The following CCSER1 variants were observed in gnomAD, a reference collection of about 807,000 sequenced individuals.
The protein encoded by CCSER1 is coiled-coil serine rich protein 1, also known as serine-rich coiled-coil domain-containing protein 1.
CCSER1 carries 41 observed loss-of-function variants against 82.0 expected under a neutral mutation model. The observed-to-expected ratio is 0.50, with a 90% CI of 0.39 to 0.65. The LOEUF (loss-of-function observed/expected upper bound fraction) is 0.65, where lower values mean the gene tolerates loss of function less well. Among genes scored for constraint, CCSER1 ranks in the 30% least tolerant of loss-of-function variants. The pLI is 0.00. For missense variants in CCSER1, 1,119 were observed against 1,064.2 expected (o/e 1.05, Z -0.72); for synonymous variants, 414 against 383.9 (o/e 1.08, Z -0.92).
intron 10 of CCSER1, among the ~76,000 whole-genome samples, chr4:91,484,247 T>C (rs1758104417): frequency 6.6e-6 from 1 of 152,156 alleles, no homozygotes; most frequent in Admixed American, 6.5e-5. Flanking sequence ...TTTTTGTTAC[T>C]CTAGAACCTT....
chr4:90,395,940 G>A (rs1416567572), intron 3 of CCSER1, among the ~76,000 whole-genome samples: 1 of 151,760 alleles, frequency 6.6e-6, no homozygotes. Flanking sequence ...AAGTAGCTGG[G>A]TGTGGTTGTG....
rs965940267 is a variant in CCSER1 at position 90,398,902 on chromosome 4, T to A, written c.1510-1134T>A. ...AAAGAGGTTTATTTAAAAGCCCCAG[T>A]GTCCTTACTTTTAAACCCAAGGACT... On this transcript the variant is annotated intron_variant, in intron 3 of 10. Coordinates refer to ENST00000509176, the MANE Select transcript of CCSER1 (RefSeq NM_001145065.2). Among the ~76,000 whole-genome samples, 58 of 152,138 alleles carry A rather than the reference T, an allele frequency of 3.8e-4. 1 individual carries two copies. Among genetic ancestry groups the A allele is most frequent in the Non-Finnish European group, 2.9e-5 (2 of 67,986 alleles).
intron 6 of CCSER1, among the ~76,000 whole-genome samples, chr4:90,713,907 A>G (rs1412449464): frequency 6.6e-6 from 1 of 151,898 alleles, no homozygotes; most frequent in African/African-American, 2.4e-5. Flanking sequence ...TCAAGCTCTG[A>G]AATTCTTTCC....
intron 10 of CCSER1, among the ~76,000 whole-genome samples, chr4:91,115,596 C>T (rs1267472598): frequency 6.6e-6 from 1 of 151,810 alleles, no homozygotes; most frequent in Non-Finnish European, 1.5e-5. Flanking sequence ...TTTTTTTATA[C>T]TGATAAAGAC....
At chr4:90,999,014 T>G (rs1260426267) in intron 9 of CCSER1, among the ~76,000 whole-genome samples, 1 of 152,174 alleles carries the variant, frequency 6.6e-6, no homozygotes, top group East Asian at 1.9e-4. Flanking sequence ...TATTAATTTA[T>G]TTAGAATAAT....
intron 1 of CCSER1, among the ~76,000 whole-genome samples, chr4:90,160,446 T>C (rs1034192304): frequency 6.6e-6 from 1 of 152,170 alleles, no homozygotes; most frequent in Non-Finnish European, 1.5e-5. Flanking sequence ...GTAGGAGGAC[T>C]ATCAGGAGAT....
At chr4:90,243,613 C>A (rs1012745352) in intron 1 of CCSER1, among the ~76,000 whole-genome samples, 1 of 151,834 alleles carries the variant, frequency 6.6e-6, no homozygotes, top group Non-Finnish European at 1.5e-5. Flanking sequence ...GTCTTGAACT[C>A]CTGGCCTCAA....
At chr4:91,254,463 T>C (rs1009976849) in intron 10 of CCSER1, among the ~76,000 whole-genome samples, 1 of 152,150 alleles carries the variant, frequency 6.6e-6, no homozygotes, top group South Asian at 2.1e-4. Context: ...ACAAGTACTA[T>C]CTGATTCTAC....
chr4:90,675,336 TAG>T (rs756134559), intron 6 of CCSER1, among the ~76,000 whole-genome samples: 4 of 152,066 alleles, frequency 2.6e-5, no homozygotes, highest in Non-Finnish European at 5.9e-5. Context: ...TAATCACATG[TAG>T]AGAGTGTGCT....
At chr4:90,610,319 G>C (rs1233837527) in intron 5 of CCSER1, among the ~76,000 whole-genome samples, 1 of 151,716 alleles carries the variant, frequency 6.6e-6, no homozygotes, top group Non-Finnish European at 1.5e-5. Flanking sequence ...ATTTCAGTAA[G>C]CTGTAATTAC....
intron 3 of CCSER1, among the ~76,000 whole-genome samples, chr4:90,334,549 C>T (rs1043389648): frequency 5.3e-5 from 7 of 132,560 alleles, no homozygotes; most frequent in Admixed American, 3.5e-4. Flanking sequence ...AGATACTTTG[C>T]TGCCAAAAAA....
chr4:90,508,836 A>G (rs1469429157), intron 5 of CCSER1, among the ~76,000 whole-genome samples: 1 of 152,094 alleles, frequency 6.6e-6, no homozygotes, highest in Non-Finnish European at 1.5e-5. Flanking sequence ...CATTGACAAT[A>G]GAAATAACTT....
intron 5 of CCSER1, among the ~76,000 whole-genome samples, chr4:90,599,417 A>G (rs1458904526): frequency 6.6e-6 from 1 of 151,942 alleles, no homozygotes; most frequent in Admixed American, 6.6e-5. Context: ...ACCTTCTGCT[A>G]TGATTGTAAG....
At chr4:90,972,696 A>G (rs902611727) in intron 9 of CCSER1, among the ~76,000 whole-genome samples, 58 of 151,798 alleles carry the variant, frequency 3.8e-4, no homozygotes, top group African/African-American at 1.3e-3. Flanking sequence ...TAACAGGTAC[A>G]GAATACCCAA....
intron 10 of CCSER1, among the ~76,000 whole-genome samples, chr4:91,485,355 C>T (rs111542099): frequency 0.012 from 1,890 of 152,138 alleles, 18 homozygotes; most frequent in African/African-American, 0.026. Context: ...ATTTATGCTA[C>T]GAATAAATGT....
At chr4:91,047,082 C>A (rs376891297) in intron 9 of CCSER1, among the ~76,000 whole-genome samples, 3 of 152,084 alleles carry the variant, frequency 2.0e-5, no homozygotes, top group Non-Finnish European at 1.5e-5. Flanking sequence ...TACATTCCCC[C>A]CAACCCCCTC....
intron 10 of CCSER1, among the ~76,000 whole-genome samples, chr4:91,359,906 C>A (rs12507411): frequency 0.27 from 41,485 of 151,460 alleles, 6,429 homozygotes; most frequent in Middle Eastern, 0.43. Flanking sequence ...ATGTGACAGC[C>A]ACAGTGCCAA....
chr4:91,303,227 A>C (rs574524473), intron 10 of CCSER1, among the ~76,000 whole-genome samples: 2 of 152,092 alleles, frequency 1.3e-5, no homozygotes, highest in East Asian at 3.9e-4. Context: ...ACCTGAAAGC[A>C]GTCTTATGAA....
chr4:91,207,355 T>G (rs1470804438), intron 10 of CCSER1, among the ~76,000 whole-genome samples: 2 of 151,728 alleles, frequency 1.3e-5, no homozygotes, highest in African/African-American at 4.8e-5. Context: ...TTCTTTTCTT[T>G]TTTTTTGGAA....
Sources: allele counts gnomAD v4.1 joint callset (sites outside exome capture counted in the v4.1 genomes callset), GRCh38; gene constraint gnomAD v4.1.1; transcripts MANE v1.5; gene names NCBI Gene and HGNC (gene_info 2026-07-23, HGNC 2026-07-21).